The following TMEM132D variants were observed in gnomAD, a reference collection of about 807,000 sequenced individuals.
TMEM132D encodes the protein mature OL transmembrane protein.
Under a neutral mutation model 62.3 loss-of-function variants are expected in TMEM132D, and 21 were observed. The observed-to-expected ratio is 0.34, with a 90% CI of 0.24 to 0.49. The LOEUF (loss-of-function observed/expected upper bound fraction) is 0.49. TMEM132D is among the 20% of genes least tolerant of loss of function. TMEM132D has a pLI of 0.99. For synonymous variants in TMEM132D, 621 were observed against 575.6 expected, an observed-to-expected ratio of 1.08 and a Z score of -1.13; for missense variants, 1,346 against 1,402.8, an observed-to-expected ratio of 0.96 and a Z score of 0.65.
At chr12:129,538,661 G>A (rs182197565) in intron 2 of TMEM132D, among the ~76,000 whole-genome samples, 182 of 152,222 alleles carry the variant, frequency 1.2e-3, no homozygotes, top group African/African-American at 3.9e-3. Flanking sequence ...AAAATATACT[G>A]CAATACAAGT....
intron 3 of TMEM132D, among the ~76,000 whole-genome samples, chr12:129,460,665 T>C (rs1013634464): frequency 6.6e-6 from 1 of 152,190 alleles, no homozygotes; most frequent in East Asian, 1.9e-4. Context: ...ATTAAAAAGT[T>C]TGCATTCGGG....
intron 1 of TMEM132D, among the ~76,000 whole-genome samples, chr12:129,736,040 C>T (rs903107903): frequency 6.6e-6 from 1 of 152,218 alleles, no homozygotes; most frequent in African/African-American, 2.4e-5. Context: ...TTGCTTCCCC[C>T]TCCCTCTCCC....
chr12:129,553,606 C>T (rs1348679098), intron 2 of TMEM132D, among the ~76,000 whole-genome samples: 1 of 152,184 alleles, frequency 6.6e-6, no homozygotes, highest in Non-Finnish European at 1.5e-5. Context: ...ATGTTCCCAC[C>T]ATGACTGTTT....
At chr12:129,680,911 G>A (rs1336386519) in intron 2 of TMEM132D, among the ~76,000 whole-genome samples, 1 of 152,208 alleles carries the variant, frequency 6.6e-6, no homozygotes, top group African/African-American at 2.4e-5. Context: ...GGACCCACAG[G>A]TGGAGGAACA....
chr12:129,773,521 G>A (rs2137284725), intron 1 of TMEM132D, among the ~76,000 whole-genome samples: 1 of 152,270 alleles, frequency 6.6e-6, no homozygotes, highest in East Asian at 1.9e-4. Context: ...GGATGTTCCA[G>A]GCAAAGGAAC....
At chr12:129,782,622 G>A (rs181298767) in intron 1 of TMEM132D, among the ~76,000 whole-genome samples, 11 of 152,372 alleles carry the variant, frequency 7.2e-5, no homozygotes, top group African/African-American at 1.2e-4. Flanking sequence ...GTGTATTCCT[G>A]ATAAATCCAT....
chr12:129,122,566 T>G (rs1876098248), intron 5 of TMEM132D, among the ~76,000 whole-genome samples: 1 of 152,280 alleles, frequency 6.6e-6, no homozygotes, highest in Non-Finnish European at 1.5e-5. Flanking sequence ...AATGATCAAG[T>G]CAAACCCCAA....
At chr12:129,704,264 G>A (rs1881451139) in intron 1 of TMEM132D, among the ~76,000 whole-genome samples, 1 of 152,226 alleles carries the variant, frequency 6.6e-6, no homozygotes, top group Non-Finnish European at 1.5e-5. Flanking sequence ...GTAGATAGCT[G>A]TAAGATATCT....
intron 2 of TMEM132D, among the ~76,000 whole-genome samples, chr12:129,583,503 G>C (rs552522518): frequency 7.2e-5 from 11 of 152,298 alleles, no homozygotes; most frequent in Admixed American, 3.3e-4. Flanking sequence ...ACTAAAATCT[G>C]AATTTTAAAA....
chr12:129,466,025 G>A (rs541362141), intron 3 of TMEM132D, among the ~76,000 whole-genome samples: 194 of 152,222 alleles, frequency 1.3e-3, no homozygotes, highest in Non-Finnish European at 1.7e-3. Context: ...TAATATCTAC[G>A]GCACAGGATT....
chr12:129,688,478 C>T (rs1252864357), intron 2 of TMEM132D, among the ~76,000 whole-genome samples: 1 of 152,124 alleles, frequency 6.6e-6, no homozygotes, highest in Non-Finnish European at 1.5e-5. Flanking sequence ...CATCTCAGTT[C>T]CTGAGCTCCT....
chr12:129,369,318 TC>T (rs951832608), intron 3 of TMEM132D, among the ~76,000 whole-genome samples: 9 of 151,726 alleles, frequency 5.9e-5, no homozygotes, highest in African/African-American at 2.2e-4. Context: ...TAATCGATGA[TC>T]CACCTCTTTA....
intron 1 of TMEM132D, among the ~76,000 whole-genome samples, chr12:129,843,285 T>G (rs1474154827): frequency 2.0e-5 from 3 of 152,186 alleles, no homozygotes; most frequent in Non-Finnish European, 4.4e-5. Context: ...GATTAAGAAT[T>G]TTCAGAAAGC....
rs143333591 is a variant in TMEM132D, at chr12:129,431,474, C to T, written c.1116-93657G>A. On this transcript the variant is annotated intron_variant, in intron 3 of 8. Coordinates refer to ENST00000422113, the MANE Select transcript of TMEM132D (RefSeq NM_133448.3). Reference sequence around the variant, plus strand: ...CTTGGCTTCTCCAGAACTATGCACACGGGATGCCTTTTGGGGACTGAGTTG... The same window carrying T: ...CTTGGCTTCTCCAGAACTATGCACATGGGATGCCTTTTGGGGACTGAGTTG... 1.5e-3 allele frequency among the ~76,000 whole-genome samples: 221 copies of T among 152,276 alleles called. 2 individuals carry two copies. Among genetic ancestry groups the T allele is most frequent in the Middle Eastern group, 6.8e-3 (2 of 294 alleles).
At chr12:129,850,193 A>G (rs77368692) in intron 1 of TMEM132D, among the ~76,000 whole-genome samples, 1,868 of 152,276 alleles carry the variant, frequency 0.012, 40 homozygotes, top group African/African-American at 0.042. Flanking sequence ...CTGTGCTCAC[A>G]TTGATTTTTG....
At chr12:129,304,662 C>CTTTTTTTTTTTT (rs35812965) in intron 4 of TMEM132D, among the ~76,000 whole-genome samples, 1 of 93,606 alleles carries the variant, frequency 1.1e-5, no homozygotes, top group East Asian at 3.7e-4. Context: ...ATACTTGGAT[C>CTTTTTTTTTTTT]TTTTTTTTTT....
At chr12:129,801,671 G>T (rs1321782257) in intron 1 of TMEM132D, among the ~76,000 whole-genome samples, 1 of 151,902 alleles carries the variant, frequency 6.6e-6, no homozygotes, top group Admixed American at 6.6e-5. Context: ...ACCAGCAACG[G>T]AACAAAGCTG....
intron 4 of TMEM132D, among the ~76,000 whole-genome samples, chr12:129,238,609 T>G (rs1879849731): frequency 6.6e-6 from 1 of 152,244 alleles, no homozygotes; most frequent in African/African-American, 2.4e-5. Context: ...TTCATTTCAC[T>G]TAGAAAAATG....
intron 2 of TMEM132D, among the ~76,000 whole-genome samples, chr12:129,578,879 A>G (rs1877761684): frequency 6.6e-6 from 1 of 152,080 alleles, no homozygotes; most frequent in Non-Finnish European, 1.5e-5. Flanking sequence ...GGAGATCTCT[A>G]CTCAGTCCAC....
Sources: allele counts gnomAD v4.1 joint callset (sites outside exome capture counted in the v4.1 genomes callset), GRCh38; gene constraint gnomAD v4.1.1; transcripts MANE v1.5; gene names NCBI Gene and HGNC (gene_info 2026-07-23, HGNC 2026-07-21).